OSBP2: variants seen among roughly 807,000 people sequenced by gnomAD.
OSBP2 encodes the protein oxysterol-binding protein 2.
A neutral mutation model predicts 96.0 loss-of-function variants in OSBP2; 66 were observed. That is an observed-to-expected ratio of 0.69 (90% CI 0.56 to 0.84). The LOEUF (loss-of-function observed/expected upper bound fraction) is 0.84, where lower values mean the gene tolerates loss of function less well. Ranked by LOEUF, OSBP2 falls within the 40% of genes least tolerant of loss-of-function variation. The probability of loss-of-function intolerance (pLI) is 0.00; values close to 1 mark genes in which losing one functional copy is unlikely to be tolerated. For synonymous variants in OSBP2, 525 were observed against 520.9 expected, an observed-to-expected ratio of 1.01 and a Z score of -0.11; for missense variants, 1,038 against 1,222.7, an observed-to-expected ratio of 0.85 and a Z score of 2.25.
At chr22:30,721,232 C>A (rs960505381) in intron 1 of OSBP2, among the ~76,000 whole-genome samples, 2 of 151,928 alleles carry the variant, frequency 1.3e-5, no homozygotes, top group African/African-American at 2.4e-5. Context: ...TCTAAAAAAA[C>A]CAAACCAAAC....
chr22:30,836,776 G>T (rs9621108), intron 2 of OSBP2, among the ~76,000 whole-genome samples: 4 of 152,122 alleles, frequency 2.6e-5, no homozygotes, highest in Non-Finnish European at 4.4e-5. Flanking sequence ...GACTCCAGAA[G>T]CCCCAAGAGG....
At chr22:30,849,599 T>C (rs778083772) in intron 2 of OSBP2, among the ~76,000 whole-genome samples, 62 of 152,346 alleles carry the variant, frequency 4.1e-4, no homozygotes, top group South Asian at 8.3e-4. Flanking sequence ...GTTTGCCTTA[T>C]TATGCATTTG....
chr22:30,838,422 C>A (rs1447459452), intron 2 of OSBP2, among the ~76,000 whole-genome samples: 6 of 152,106 alleles, frequency 3.9e-5, no homozygotes, highest in South Asian at 2.1e-4. Context: ...AGTATATAAA[C>A]CCACAAAACA....
At chr22:30,821,477 G>A (rs569321215) in intron 2 of OSBP2, among the ~76,000 whole-genome samples, 1 of 152,254 alleles carries the variant, frequency 6.6e-6, no homozygotes, top group South Asian at 2.1e-4. Flanking sequence ...TCTAAGAGAC[G>A]GAGAAGTCAC....
chr22:30,877,193 C>T (rs2039601574), intron 3 of OSBP2, among the ~76,000 whole-genome samples: 1 of 152,268 alleles, frequency 6.6e-6, no homozygotes, highest in Admixed American at 6.5e-5. Flanking sequence ...TGAAAAATCA[C>T]AGGAGCAAAT....
chr22:30,881,832 C>G lies in OSBP2; in HGVS notation c.1108-5594C>G, dbSNP rs373380278. On this transcript the variant is annotated intron_variant, in intron 3 of 13. Coordinates refer to ENST00000332585, the MANE Select transcript of OSBP2 (RefSeq NM_030758.4). The surrounding 1 kb of genome is among the most constrained non-coding windows in gnomAD (Gnocchi z 4.5). ...GTGCATCCGGGCTGGGGGAGGTGGA[C>G]GGGCTCTCTGCATCCATGGGGTGAC... The G allele has an allele frequency of 7.7e-7, 1 of 1,303,258 alleles. No homozygotes were observed. The highest frequency in any genetic ancestry group is 1.0e-6 in the Non-Finnish European group (1 of 988,494). 80.7% of individuals were successfully genotyped at this position (1,303,258 alleles called of 1,614,324 possible).
intron 2 of OSBP2, among the ~76,000 whole-genome samples, chr22:30,756,878 G>C (rs1458272605): frequency 6.6e-6 from 1 of 152,046 alleles, no homozygotes; most frequent in Non-Finnish European, 1.5e-5. Flanking sequence ...GGGGTGATAG[G>C]GCCCTTTGCT....
rs937743852 is a variant in OSBP2, at chr22:30,822,536, G to C, written c.854-47893G>C. ...CCCACGAGTGTCCGCCGCCTCCGCC[G>C]GGCGGCCCACCGAGCTGTGCACGCG... is the stretch of plus-strand genomic sequence containing the variant. On this transcript the variant is annotated intron_variant, in intron 2 of 13. Transcript: ENST00000332585. The C allele has an allele frequency of 3.2e-6, 4 of 1,231,992 alleles. No homozygotes were observed. The East Asian group carries it at 1.2e-4, about 36-fold the overall frequency. 76.3% of individuals were successfully genotyped at this position (1,231,992 alleles called of 1,614,324 possible).
Position 30,735,749 on chromosome 22 carries a change from A to G in OSBP2, c.645-5412A>G, listed in dbSNP as rs535929565. Among the ~76,000 whole-genome samples the G allele has an allele frequency of 2.0e-3, 307 of 151,910 alleles. 1 individual carries two copies. The highest frequency in any genetic ancestry group is 6.8e-3 in the African/African-American group (281 of 41,438). The stretch of plus-strand genomic sequence containing the variant: ...TTTTTTCTTTTAGAGACAGAGTCTC[A>G]TCTCACTCTGTTGACCAGGCTGGAG... On this transcript the variant is annotated intron_variant, in intron 1 of 13. Transcript: ENST00000332585.
chr22:30,888,089 G>C, intron 4 of OSBP2, 134 bp from the exon 5 acceptor site: 2 of 687,510 alleles, frequency 2.9e-6, no homozygotes, highest in Non-Finnish European at 5.2e-6. Context: ...CAGGGAATCA[G>C]GGCTGCCCAG....
chr22:30,835,558 A>C lies in OSBP2; in HGVS notation c.854-34871A>C, dbSNP rs922163139. Among the ~76,000 whole-genome samples the C allele has an allele frequency of 2.1e-4, 32 of 152,120 alleles. 1 individual carries two copies. Among genetic ancestry groups the C allele is most frequent in the Admixed American group, 1.6e-3 (24 of 15,270 alleles). On this transcript the variant is annotated intron_variant, in intron 2 of 13. Transcript: ENST00000332585. Reference sequence around the variant, plus strand: ...TAATTTGAATGTAGTTGAATTTATCAGTTTTTATAGATAGGACCTTTTATA... The same window carrying C: ...TAATTTGAATGTAGTTGAATTTATCCGTTTTTATAGATAGGACCTTTTATA...
intron 1 of OSBP2, among the ~76,000 whole-genome samples, chr22:30,703,227 G>A (rs1330106657): frequency 6.6e-6 from 1 of 151,850 alleles, no homozygotes; most frequent in South Asian, 2.1e-4. Flanking sequence ...AGGCTGAAGT[G>A]CAGTGGCAAA....
chr22:30,776,403 G>A (rs565700492), intron 2 of OSBP2, among the ~76,000 whole-genome samples: 90 of 152,214 alleles, frequency 5.9e-4, no homozygotes, highest in African/African-American at 2.1e-3. Context: ...GGGATTATAG[G>A]TGTGAGTACT....
intron 2 of OSBP2, among the ~76,000 whole-genome samples, chr22:30,780,670 A>G (rs1274019972): frequency 3.3e-5 from 5 of 149,472 alleles, no homozygotes; most frequent in African/African-American, 9.9e-5. Context: ...GCTAATTTTT[A>G]TATTTTTAGT....
intron 2 of OSBP2, among the ~76,000 whole-genome samples, chr22:30,748,977 A>G (rs954873424): frequency 1.3e-5 from 2 of 152,198 alleles, no homozygotes; most frequent in Non-Finnish European, 1.5e-5. Flanking sequence ...TTAGCTGGGC[A>G]TAGTAGCGCA....
At position 30,770,971 on chromosome 22, in the gene OSBP2, C is replaced by T. The variant is rs1318657847; in HGVS notation, c.853+29602C>T. Among the ~76,000 whole-genome samples, 4 of 152,198 alleles carry T rather than the reference C, an allele frequency of 2.6e-5. No homozygotes were observed. In the South Asian group the frequency reaches 6.2e-4, roughly 24 times the overall value. On this transcript the variant is annotated intron_variant, in intron 2 of 13. Coordinates refer to ENST00000332585, the MANE Select transcript of OSBP2 (RefSeq NM_030758.4). Reference sequence around the variant, plus strand: ...GTCATCTCGGCTCATTGCAACTTGCCGCCTTCCAGGTTCAAGCGATTCTCC... The same window carrying T: ...GTCATCTCGGCTCATTGCAACTTGCTGCCTTCCAGGTTCAAGCGATTCTCC...
intron 1 of OSBP2, among the ~76,000 whole-genome samples, chr22:30,713,723 A>G (rs1175865345): frequency 6.6e-6 from 1 of 152,184 alleles, no homozygotes; most frequent in Non-Finnish European, 1.5e-5. Flanking sequence ...TTGGCCTCCC[A>G]AAATACTGAG....
chr22:30,787,078 G>C (rs1205821105), intron 2 of OSBP2, among the ~76,000 whole-genome samples: 1 of 152,128 alleles, frequency 6.6e-6, no homozygotes, highest in Admixed American at 6.6e-5. Flanking sequence ...GATTACAGGC[G>C]TGAGCGACTG....
chr22:30,804,377 G>A (rs1049632398), intron 2 of OSBP2, among the ~76,000 whole-genome samples: 7 of 152,182 alleles, frequency 4.6e-5, no homozygotes, highest in Non-Finnish European at 8.8e-5. Context: ...GTTTTGTTCC[G>A]TCTATCTAGC....
Sources: gnomAD v4.1 joint callset for allele counts (sites outside exome capture counted in the v4.1 genomes callset) on GRCh38, gnomAD v4.1.1 for gene constraint, Gnocchi (gnomAD v3.1) non-coding constraint, MANE v1.5 for transcripts, NCBI Gene and HGNC (gene_info 2026-07-23, HGNC 2026-07-21) for gene names.